The following NEDD4 variants were observed in gnomAD, a reference collection of about 807,000 sequenced individuals.
NEDD4 encodes NEDD4 E3 ubiquitin protein ligase.
A neutral mutation model predicts 144.9 loss-of-function variants in NEDD4; 99 were observed. That is an observed-to-expected ratio of 0.68 (90% CI 0.58 to 0.81). The LOEUF is 0.81. NEDD4 is among the 30% of genes least tolerant of loss of function. The pLI is 0.00. For synonymous variants in NEDD4, 318 were observed against 350.6 expected, an observed-to-expected ratio of 0.91 and a Z score of 1.04; for missense variants, 985 against 1,065.9, an observed-to-expected ratio of 0.92 and a Z score of 1.06.
At chr15:55,903,779 C>A (rs1256988943) in intron 5 of NEDD4, among the ~76,000 whole-genome samples, 2 of 142,594 alleles carry the variant, frequency 1.4e-5, no homozygotes, top group African/African-American at 5.3e-5. Flanking sequence ...GAGCCGAGAT[C>A]GTGCCACTGC....
chr15:55,886,774 A>T (rs1293575511), intron 5 of NEDD4, among the ~76,000 whole-genome samples: 2 of 146,448 alleles, frequency 1.4e-5, no homozygotes, highest in Non-Finnish European at 3.0e-5. Flanking sequence ...AAAAAAAAAA[A>T]TTGAAATAAT....
At chr15:55,843,023 C>T (rs1319004118) in intron 18 of NEDD4, among the ~76,000 whole-genome samples, 2 of 152,186 alleles carry the variant, frequency 1.3e-5, no homozygotes, top group Non-Finnish European at 2.9e-5. Flanking sequence ...ATCTTTCCTG[C>T]ACTGTTCTCA....
chr15:55,957,810 A>C (rs376746187), intron 2 of NEDD4, among the ~76,000 whole-genome samples: 1 of 152,244 alleles, frequency 6.6e-6, no homozygotes, highest in South Asian at 2.1e-4. Context: ...GGATGAGTTC[A>C]TGTCCTTTGC....
intron 5 of NEDD4, chr15:55,905,413 C>T (rs1595824995): frequency 5.2e-6 from 2 of 384,644 alleles, no homozygotes; most frequent in East Asian, 1.5e-4. Context: ...AACATAATTA[C>T]AGAACCTCCA....
intron 1 of NEDD4, among the ~76,000 whole-genome samples, chr15:55,990,007 G>A (rs925957857): frequency 2.2e-4 from 34 of 151,904 alleles, no homozygotes; most frequent in African/African-American, 8.2e-4. Context: ...CCATGCAAGC[G>A]ATCTAGGTTG....
At chr15:55,847,676 CTTTT>C (rs149696600) in intron 17 of NEDD4, among the ~76,000 whole-genome samples, 11 of 113,548 alleles carry the variant, frequency 9.7e-5, no homozygotes, top group East Asian at 2.4e-4. Flanking sequence ...TTTCTTTTTC[CTTTT>C]TTTTTTTTTT....
intron 4 of NEDD4, among the ~76,000 whole-genome samples, chr15:55,927,077 C>CAAAAAAAAAA (rs57940091): frequency 3.5e-4 from 25 of 70,660 alleles, no homozygotes; most frequent in Non-Finnish European, 4.3e-4. Flanking sequence ...GACTACGTCT[C>CAAAAAAAAAA]AAAAAAAAAA....
chr15:55,957,008 C>T (rs68052665), intron 2 of NEDD4, among the ~76,000 whole-genome samples: 20,436 of 152,168 alleles, frequency 0.13, 1,492 homozygotes, highest in East Asian at 0.32. Flanking sequence ...CCATTTATTA[C>T]AAATCTTTTG....
rs529091126 is a variant in NEDD4, at chr15:55,910,427, C to T, written c.291+14219G>A. Among the ~76,000 whole-genome samples, 7 of 152,132 alleles carry T rather than the reference C, an allele frequency of 4.6e-5. No homozygotes were observed. The East Asian group carries it at 1.2e-3, about 25-fold the overall frequency. On this transcript the variant is annotated intron_variant, in intron 5 of 28. Transcript: ENST00000435532. ...TTTCACCCATGCCTCTATGCCTCCA[C>T]GCCTCCATGCTCTCCATGCCTCCAT...
chr15:55,830,624 A>G lies in NEDD4; in HGVS notation c.2528-38T>C, dbSNP rs1458353304. On this transcript the variant is annotated intron_variant, in intron 27 of 28. Coordinates refer to ENST00000435532, the MANE Select transcript of NEDD4 (RefSeq NM_006154.4). ...ATTTATTTGGTTTCATTTACTCTCTACAAGGATCTCCAGGCATATCAAAAC... is the reference window on the plus strand; with the variant it reads ...ATTTATTTGGTTTCATTTACTCTCTGCAAGGATCTCCAGGCATATCAAAAC... The G allele has an allele frequency of 2.5e-6, 4 of 1,574,690 alleles. No homozygotes were observed. In the African/African-American group the frequency reaches 4.0e-5, roughly 16 times the overall value.
chr15:55,850,246 C>T (rs1232659375), intron 14 of NEDD4, among the ~76,000 whole-genome samples: 1 of 152,034 alleles, frequency 6.6e-6, no homozygotes, highest in Non-Finnish European at 1.5e-5. Flanking sequence ...AGCTATAAAG[C>T]CTCATATAAA....
intron 1 of NEDD4, among the ~76,000 whole-genome samples, chr15:55,990,393 T>C (rs908992503): frequency 1.3e-5 from 2 of 151,972 alleles, no homozygotes; most frequent in South Asian, 2.1e-4. Context: ...GTCAGAAAGG[T>C]AGATGATCAG....
chr15:55,841,641 G>A (rs964027222), intron 19 of NEDD4, among the ~76,000 whole-genome samples: 1 of 152,106 alleles, frequency 6.6e-6, no homozygotes, highest in Non-Finnish European at 1.5e-5. Context: ...GGAGTGCAGT[G>A]GCGTGATCTC....
At chr15:55,972,294 T>C (rs570793058) in intron 1 of NEDD4, among the ~76,000 whole-genome samples, 31 of 152,266 alleles carry the variant, frequency 2.0e-4, no homozygotes, top group African/African-American at 7.5e-4. Flanking sequence ...AAGATGAACC[T>C]ATCAAAAATA....
At chr15:55,840,032 AT>A (rs1566901283) in intron 21 of NEDD4, among the ~76,000 whole-genome samples, 33 of 89,896 alleles carry the variant, frequency 3.7e-4, no homozygotes, top group Admixed American at 1.0e-3. Context: ...ATATATATAT[AT>A]ATATATATAA....
chr15:55,972,370 TA>T (rs2037626774), intron 1 of NEDD4, among the ~76,000 whole-genome samples: 1 of 152,132 alleles, frequency 6.6e-6, no homozygotes, highest in Admixed American at 6.5e-5. Flanking sequence ...AATAAAAAGT[TA>T]AAAAGCAAGA....
At chr15:55,973,598 T>C (rs2037650503) in intron 1 of NEDD4, among the ~76,000 whole-genome samples, 1 of 151,512 alleles carries the variant, frequency 6.6e-6, no homozygotes, top group Non-Finnish European at 1.5e-5. Flanking sequence ...TACAACAGAA[T>C]AACACTAGAA....
At chr15:55,838,371 T>C (rs1566899604) in intron 22 of NEDD4, 138 bp downstream of exon 22, 2 of 741,708 alleles carry the variant, frequency 2.7e-6, no homozygotes, top group South Asian at 3.4e-5. Context: ...AAAGTACAAA[T>C]TCTTGCTCAG....
At chr15:55,835,428 T>TG (rs1555392064) in intron 24 of NEDD4, among the ~76,000 whole-genome samples, 2 of 133,982 alleles carry the variant, frequency 1.5e-5, no homozygotes, top group Non-Finnish European at 3.3e-5. Flanking sequence ...CTGTTTTTTT[T>TG]TTTTTTTTTT....
Sources: allele counts gnomAD v4.1 joint callset (sites outside exome capture counted in the v4.1 genomes callset), GRCh38; gene constraint gnomAD v4.1.1; transcripts MANE v1.5; gene names NCBI Gene and HGNC (gene_info 2026-07-23, HGNC 2026-07-21).